The following FAF1 variants were observed in gnomAD, a reference collection of about 807,000 sequenced individuals.
FAF1 encodes the protein Fas associated factor 1.
FAF1 carries 25 observed loss-of-function variants against 92.5 expected under a neutral mutation model. The ratio of observed to expected loss-of-function variants is 0.27; its 90% confidence interval spans 0.20 to 0.38. FAF1 has a LOEUF of 0.38. FAF1 is among the 10% of genes least tolerant of loss of function. FAF1 has a pLI of 1.00. For missense variants in FAF1, 636 were observed against 793.3 expected (o/e 0.80, Z 2.38); for synonymous variants, 234 against 273.2 (o/e 0.86, Z 1.42).
intron 8 of FAF1, among the ~76,000 whole-genome samples, chr1:50,623,575 G>T (rs918883363): frequency 1.4e-4 from 19 of 131,676 alleles, no homozygotes; most frequent in Admixed American, 6.3e-4. Context: ...ACTCTGTCTT[G>T]AAAAAAAAAA....
chr1:50,653,739 G>C (rs891891761), intron 8 of FAF1, among the ~76,000 whole-genome samples: 1 of 152,078 alleles, frequency 6.6e-6, no homozygotes, highest in Non-Finnish European at 1.5e-5. Flanking sequence ...GGCGGCAGGC[G>C]CCTATAATCC....
chr1:50,722,580 C>T (rs1658455664), intron 6 of FAF1, among the ~76,000 whole-genome samples: 1 of 146,938 alleles, frequency 6.8e-6, no homozygotes, highest in South Asian at 2.1e-4. Context: ...ACCTGGGCGG[C>T]AGAGCTTGCA....
chr1:50,442,489 T>C (rs1046471537), intron 18 of FAF1, among the ~76,000 whole-genome samples: 6 of 152,198 alleles, frequency 3.9e-5, no homozygotes, highest in Non-Finnish European at 5.9e-5. Flanking sequence ...GAACAGGTGT[T>C]CCATAATGAC....
Position 50,582,632 on chromosome 1 carries a change from C to T in FAF1, c.1099G>A (p.Val367Met), listed in dbSNP as rs1448323538. Reference sequence around the variant, plus strand: ...ACTGTACTTACATCTCGGGCTTTCACATAGAAGGCCTCTTGAAAAGCAGCT... The same window carrying T: ...ACTGTACTTACATCTCGGGCTTTCATATAGAAGGCCTCTTGAAAAGCAGCT... The part of the protein sequence containing the change: ...LEAAFQEAFY[V>M]KARDRKLLAI... The change falls in exon 12 of 19, where the codon GTG becomes ATG. Residue 367 changes from valine (V) to methionine (M), a missense_variant. Coordinates refer to ENST00000396153, the MANE Select transcript of FAF1 (RefSeq NM_007051.3). 1 of 1,610,706 alleles carries T rather than the reference C, an allele frequency of 6.2e-7. No homozygotes were observed. Among genetic ancestry groups the T allele is most frequent in the Non-Finnish European group, 8.5e-7 (1 of 1,177,016 alleles).
intron 2 of FAF1, chr1:50,846,790 T>C: frequency 1.4e-6 from 1 of 693,620 alleles, no homozygotes. Flanking sequence ...GAAGGGATTG[T>C]CCCAATCCCA....
intron 1 of FAF1, among the ~76,000 whole-genome samples, chr1:50,955,760 A>T (rs1645261596): frequency 6.6e-6 from 1 of 152,242 alleles, no homozygotes; most frequent in Non-Finnish European, 1.5e-5. Context: ...AGGTGAAAGA[A>T]TAAGCAAAAT....
At chr1:50,621,305 T>A (rs1047900128) in intron 8 of FAF1, among the ~76,000 whole-genome samples, 4 of 151,728 alleles carry the variant, frequency 2.6e-5, no homozygotes, top group Non-Finnish European at 5.9e-5. Context: ...CAGCTAGGAA[T>A]GGGCCTTCGC....
At chr1:50,629,245 C>T (rs1653648915) in intron 8 of FAF1, among the ~76,000 whole-genome samples, 1 of 149,730 alleles carries the variant, frequency 6.7e-6, no homozygotes, top group South Asian at 2.1e-4. Flanking sequence ...TCTCGGCTCA[C>T]TGCAACCTCC....
intron 12 of FAF1, among the ~76,000 whole-genome samples, chr1:50,574,896 C>CTG (rs1558000811): frequency 1.6e-5 from 2 of 122,916 alleles, no homozygotes; most frequent in African/African-American, 6.5e-5. Flanking sequence ...GTTGTATTAA[C>CTG]TCTTTTTTTT....
chr1:50,462,107 T>G (rs1054473530), intron 18 of FAF1: 1 of 149,528 alleles, frequency 6.7e-6, no homozygotes, highest in African/African-American at 2.5e-5. Context: ...ATATAAAAAC[T>G]TGGGAGGTTG....
intron 13 of FAF1, among the ~76,000 whole-genome samples, chr1:50,541,757 A>AAG (rs1004501196): frequency 4.6e-5 from 7 of 151,864 alleles, no homozygotes; most frequent in African/African-American, 7.3e-5. Flanking sequence ...AAAGGAAAGA[A>AAG]AGAGAGAGAG....
chr1:50,756,017 G>A (rs1442285835), intron 4 of FAF1, among the ~76,000 whole-genome samples: 1 of 152,154 alleles, frequency 6.6e-6, no homozygotes, highest in East Asian at 1.9e-4. Context: ...GACACGCCCT[G>A]GAGACATTTT....
chr1:50,673,555 G>A (rs1206287692), intron 7 of FAF1, among the ~76,000 whole-genome samples: 2 of 152,058 alleles, frequency 1.3e-5, no homozygotes, highest in Non-Finnish European at 2.9e-5. Context: ...GAGGGCGGAA[G>A]GAAACAAAAA....
At chr1:50,526,791 C>A (rs1251312723) in intron 15 of FAF1, among the ~76,000 whole-genome samples, 3 of 152,104 alleles carry the variant, frequency 2.0e-5, no homozygotes, top group Admixed American at 6.6e-5. Flanking sequence ...ATTTTACATT[C>A]CCACTAGCAG....
At chr1:50,467,067 G>A (rs942345631) in intron 18 of FAF1, among the ~76,000 whole-genome samples, 2 of 152,180 alleles carry the variant, frequency 1.3e-5, no homozygotes, top group African/African-American at 4.8e-5. Context: ...ATGAACTGCA[G>A]TATGAGGACT....
intron 13 of FAF1, among the ~76,000 whole-genome samples, chr1:50,554,390 T>TATATATATATAGAGAGAG: frequency 1.2e-4 from 11 of 93,682 alleles, no homozygotes; most frequent in East Asian, 3.1e-4. Context: ...TATATATATA[T>TATATATATATAGAGAGAG]AGAGAGAGAG....
At chr1:50,656,703 CA>C (rs970161970) in intron 7 of FAF1, among the ~76,000 whole-genome samples, 4 of 151,670 alleles carry the variant, frequency 2.6e-5, no homozygotes, top group Admixed American at 1.3e-4. Context: ...GCCAACATGG[CA>C]AAACCTTGTC....
At chr1:50,519,336 AAAGGAAGGAATG>A (rs1361983864) in intron 15 of FAF1, among the ~76,000 whole-genome samples, 6 of 133,488 alleles carry the variant, frequency 4.5e-5, no homozygotes, top group Non-Finnish European at 7.7e-5. Context: ...CGAAAGAAAG[AAAGGAAGGAATG>A]AAGGAAGGAA....
chr1:50,548,954 G>A (rs919978712), intron 13 of FAF1, among the ~76,000 whole-genome samples: 1 of 152,062 alleles, frequency 6.6e-6, no homozygotes, highest in African/African-American at 2.4e-5. Flanking sequence ...ATTGGTCTGT[G>A]GATTAATAAA....
Sources: gnomAD v4.1 joint callset for allele counts (sites outside exome capture counted in the v4.1 genomes callset) on GRCh38, gnomAD v4.1.1 for gene constraint, MANE v1.5 for transcripts, NCBI Gene and HGNC (gene_info 2026-07-23, HGNC 2026-07-21) for gene names.